Variants in CPS1 observed in about 807,000 individuals in gnomAD.
CPS1 encodes carbamoyl-phosphate synthase [ammonia], mitochondrial.
CPS1 carries 109 observed loss-of-function variants against 174.6 expected under a neutral mutation model. The ratio of observed to expected loss-of-function variants is 0.62; its 90% CI spans 0.53 to 0.73. The LOEUF (loss-of-function observed/expected upper bound fraction) is 0.73. CPS1 is among the 30% of genes least tolerant of loss of function. CPS1 has a pLI of 0.00. For missense variants in CPS1, 1,689 were observed against 1,821.9 expected, an observed-to-expected ratio of 0.93 and a Z score of 1.33; for synonymous variants, 637 against 632.0, an observed-to-expected ratio of 1.01 and a Z score of -0.12.
At position 210,656,523 on chromosome 2, in the gene CPS1, A is replaced by G. The variant is rs766584384; in HGVS notation, c.3559-2A>G. 6.5e-7 allele frequency: 1 copy of G among 1,526,966 alleles called. No homozygotes were observed. The highest frequency in any genetic ancestry group is 8.9e-7 in the Non-Finnish European group (1 of 1,117,392). The allele number at this position is 1,526,966 out of a possible 1,614,324, so 94.6% of individuals were successfully genotyped here. A position where few individuals can be genotyped will look rare whatever the true frequency, so the allele number is the denominator to read the frequency against. On this transcript the variant is annotated splice_acceptor_variant, in intron 29 of 37. Transcript: ENST00000233072. LOFTEE classifies it high-confidence loss of function. ...AAATCCTTTTTTTTTTTTTTTGGCCAGGTTATCTCTCATGCCATCTCTGAA... is the reference window on the plus strand; with the variant it reads ...AAATCCTTTTTTTTTTTTTTTGGCCGGGTTATCTCTCATGCCATCTCTGAA...
rs1474156405 is a variant in CPS1 at position 210,616,687 on chromosome 2, G to A, written c.2687+146G>A. The A allele has an allele frequency of 6.1e-6, 4 of 653,738 alleles. No individual in the cohort carries two copies. In the Admixed American group the frequency reaches 9.9e-5, roughly 16 times the overall value. The allele number at this position is 653,738 out of a possible 1,614,324, so 40.5% of individuals were successfully genotyped here. A position where few individuals can be genotyped will look rare whatever the true frequency, so the allele number is the denominator to read the frequency against. On this transcript the variant is annotated intron_variant, in intron 21 of 37. Coordinates refer to ENST00000233072, the MANE Select transcript of CPS1 (RefSeq NM_001875.5). ...TGGAAAATAGTACCCGTAGCCAGAA[G>A]ACAAATGGCAGGTTTTTTTTTTTTT...
chr2:210,607,673 C>T (rs902970394), intron 18 of CPS1, among the ~76,000 whole-genome samples: 12 of 151,880 alleles, frequency 7.9e-5, no homozygotes, highest in African/African-American at 2.9e-4. Flanking sequence ...CTTCTGTTGA[C>T]CGTGTGATTT....
chr2:210,512,957 T>G lies in CPS1; in HGVS notation c.3+35191T>G, dbSNP rs1190113740. Among the ~76,000 whole-genome samples the G allele has an allele frequency of 4.4e-5, 2 of 45,694 alleles. 1 individual carries two copies. The highest frequency in any genetic ancestry group is 1.2e-4 in the Non-Finnish European group (2 of 17,292). 30.0% of individuals were successfully genotyped at this position (45,694 alleles called of 152,430 possible). On this transcript the variant is annotated intron_variant, in intron 1 of 38. Coordinates refer to the CPS1 transcript ENST00000430249. ...ATATGGAGAGATATATATATGGAGA[T>G]ATATATATGGAGATATATATATATG...
intron 21 of CPS1, among the ~76,000 whole-genome samples, chr2:210,635,583 T>C (rs1700019291): frequency 6.6e-6 from 1 of 152,186 alleles, no homozygotes; most frequent in Non-Finnish European, 1.5e-5. Flanking sequence ...TTAATTAGTT[T>C]TTCAATTTAA....
chr2:210,647,987 G>T lies in CPS1; in HGVS notation c.3266G>T (p.Arg1089Leu), dbSNP rs1280211937. ...SPLQIDRAED[R>L]SIFSAVLDEL... ...CTGCAGATCGACAGGGCTGAGGATC[G>T]CTCCATCTTCTCAGCTGTCTTGGAT... The change falls in exon 26 of 38, where the codon CGC (arginine) becomes CTC (leucine). Residue 1089 changes from arginine (R) to leucine (L), a missense_variant. Transcript: ENST00000233072. 2 of 1,613,852 alleles carry T rather than the reference G, an allele frequency of 1.2e-6. No homozygotes were observed. Among genetic ancestry groups the T allele is most frequent in the Non-Finnish European group, 1.7e-6 (2 of 1,179,920 alleles).
chr2:210,535,808 C>T (rs1322605946), intron 1 of CPS1, among the ~76,000 whole-genome samples: 3 of 143,816 alleles, frequency 2.1e-5, no homozygotes, highest in Non-Finnish European at 3.0e-5. Flanking sequence ...GTCCCTTCTC[C>T]CTTTTTCCTT....
chr2:210,533,398 T>G (rs1438973668), intron 1 of CPS1, among the ~76,000 whole-genome samples: 1 of 152,144 alleles, frequency 6.6e-6, no homozygotes, highest in Non-Finnish European at 1.5e-5. Context: ...ACCCATTTAA[T>G]CTTCACTACA....
intron 21 of CPS1, chr2:210,618,615 T>C (rs1282103615): frequency 1.3e-5 from 2 of 152,098 alleles, no homozygotes; most frequent in Admixed American, 1.3e-4. Context: ...ATAACAAGAA[T>C]AGATGGCCAC....
At chr2:210,572,011 T>C (rs1431053382) in intron 1 of CPS1, among the ~76,000 whole-genome samples, 4 of 150,488 alleles carry the variant, frequency 2.7e-5, no homozygotes, top group Admixed American at 2.0e-4. Flanking sequence ...AGAATTAGTA[T>C]TTTTTTTTGT....
At chr2:210,485,142 A>G (rs1453594085) in intron 1 of CPS1, among the ~76,000 whole-genome samples, 1 of 151,942 alleles carries the variant, frequency 6.6e-6, no homozygotes, top group African/African-American at 2.4e-5. Context: ...GAGGCAGGAG[A>G]ATGGTGTGAA....
intron 33 of CPS1, among the ~76,000 whole-genome samples, chr2:210,664,484 C>T (rs1701026357): frequency 6.6e-6 from 1 of 152,000 alleles, no homozygotes; most frequent in South Asian, 2.1e-4. Context: ...GGATTACAAG[C>T]ATGCACCACC....
intron 21 of CPS1, among the ~76,000 whole-genome samples, chr2:210,621,639 A>G (rs1193012878): frequency 6.6e-6 from 1 of 152,108 alleles, no homozygotes; most frequent in Non-Finnish European, 1.5e-5. Context: ...CCATTAGTGC[A>G]TAGATTCAAT....
chr2:210,668,363 G>A, intron 34 of CPS1, 79 bp downstream of exon 34: 3 of 966,728 alleles, frequency 3.1e-6, no homozygotes, highest in Non-Finnish European at 5.1e-6. Flanking sequence ...GTTAATTGTG[G>A]TATAGAGGAA....
intron 1 of CPS1, among the ~76,000 whole-genome samples, chr2:210,500,393 G>A (rs1695109042): frequency 6.6e-6 from 1 of 152,110 alleles, no homozygotes; most frequent in Non-Finnish European, 1.5e-5. Flanking sequence ...AGTTTCATCT[G>A]AGATAAGGCA....
At position 210,653,998 on chromosome 2, in the gene CPS1, C is replaced by T. The variant is rs181844598; in HGVS notation, c.3481-27C>T. ...ATATACATAGCGTTAGCTAAATGTT[C>T]GGCTCCTCTGTTTTCCTTCGTGACA... is the stretch of plus-strand genomic sequence containing the variant. On this transcript the variant is annotated intron_variant, in intron 28 of 37. Transcript: ENST00000233072. The T allele has an allele frequency of 1.0e-4, 165 of 1,587,082 alleles. No homozygotes were observed. In the East Asian group the frequency reaches 2.8e-3, roughly 27 times the overall value.
intron 1 of CPS1, among the ~76,000 whole-genome samples, chr2:210,515,689 GT>G (rs1383969175): frequency 2.6e-5 from 4 of 151,594 alleles, no homozygotes; most frequent in African/African-American, 9.7e-5. Context: ...AGATTTTTGT[GT>G]CTCATTTCAT....
chr2:210,648,012 T>A lies in CPS1; in HGVS notation c.3291T>A (p.Asp1097Glu). ...EDRSIFSAVL[D>E]ELKVAQAPWK... is the part of the protein sequence containing the mutation. The stretch of plus-strand genomic sequence containing the variant: ...GCTCCATCTTCTCAGCTGTCTTGGA[T>A]GAGCTGAAGGTGGCTCAGGCACCTT... Residue 1097 changes from aspartate (D) to glutamate (E), a missense_variant, in exon 26 of 38, where the codon GAT becomes GAA. Coordinates refer to ENST00000233072, the MANE Select transcript of CPS1 (RefSeq NM_001875.5). 1 of 1,614,076 alleles carries A rather than the reference T, an allele frequency of 6.2e-7. No homozygotes were observed. Among genetic ancestry groups the A allele is most frequent in the Non-Finnish European group, 8.5e-7 (1 of 1,179,946 alleles).
chr2:210,522,486 C>T (rs1695853412), intron 1 of CPS1, among the ~76,000 whole-genome samples: 1 of 151,924 alleles, frequency 6.6e-6, no homozygotes, highest in South Asian at 2.1e-4. Flanking sequence ...ATTGCATTTT[C>T]ATTCCATAAA....
chr2:210,617,982 GGAAAATAGCA>G (rs1699368943), intron 21 of CPS1: 1 of 151,954 alleles, frequency 6.6e-6, no homozygotes, highest in African/African-American at 2.4e-5. Flanking sequence ...GACCTGGGGT[GGAAAATAGCA>G]GATGTTATTG....
Sources: gnomAD v4.1 joint callset for allele counts (sites outside exome capture counted in the v4.1 genomes callset) on GRCh38, gnomAD v4.1.1 for gene constraint, MANE v1.5 for transcripts, NCBI Gene and HGNC (gene_info 2026-07-23, HGNC 2026-07-21) for gene names.